HEATR5A: variants seen among roughly 807,000 people sequenced by gnomAD.
HEATR5A encodes the protein HEAT repeat containing 5A.
HEATR5A carries 178 observed loss-of-function variants against 218.8 expected under a neutral mutation model. That is an observed-to-expected ratio of 0.81 (90% CI 0.72 to 0.92). HEATR5A has a LOEUF of 0.92. Ranked by LOEUF, HEATR5A falls within the 40% of genes least tolerant of loss-of-function variation. HEATR5A has a pLI of 0.00. For missense variants in HEATR5A, 2,420 were observed against 2,418.9 expected (o/e 1.00, Z -0.01); for synonymous variants, 864 against 871.6 (o/e 0.99, Z 0.15).
At chr14:31,363,538 T>C (rs1237080929) in intron 14 of HEATR5A, among the ~76,000 whole-genome samples, 1 of 152,246 alleles carries the variant, frequency 6.6e-6, no homozygotes, top group Non-Finnish European at 1.5e-5. Flanking sequence ...TTATCTGGTA[T>C]GTGTTCTTGA....
intron 14 of HEATR5A, among the ~76,000 whole-genome samples, chr14:31,361,587 C>G (rs767511975): frequency 2.0e-5 from 3 of 152,114 alleles, no homozygotes; most frequent in Non-Finnish European, 4.4e-5. Flanking sequence ...TCCCAACTGT[C>G]CCTGGAAAAA....
chr14:31,372,018 C>A, intron 12 of HEATR5A, 109 bp from the exon 13 acceptor site: 10 of 495,752 alleles, frequency 2.0e-5, no homozygotes, highest in Non-Finnish European at 2.2e-5. Context: ...AAGCAATTTG[C>A]TAAAATAAAA....
intron 13 of HEATR5A, among the ~76,000 whole-genome samples, chr14:31,369,302 T>A (rs774955733): frequency 6.7e-6 from 1 of 149,752 alleles, no homozygotes; most frequent in Admixed American, 6.7e-5. Flanking sequence ...GGTGACAGAG[T>A]GAGACCCTGT....
chr14:31,308,138 T>C (rs1364058022), intron 29 of HEATR5A, 118 bp from the exon 30 acceptor site: 7 of 901,028 alleles, frequency 7.8e-6, no homozygotes, highest in Non-Finnish European at 1.2e-5. Context: ...GTAATACAAA[T>C]AAATCACAAT....
intron 21 of HEATR5A, among the ~76,000 whole-genome samples, chr14:31,339,668 T>C (rs938693256): frequency 2.0e-5 from 3 of 152,160 alleles, no homozygotes; most frequent in African/African-American, 2.4e-5. Flanking sequence ...TGTTCTGTTA[T>C]ACCTTCAAGC....
chr14:31,406,416 T>C (rs1595182984), intron 1 of HEATR5A, among the ~76,000 whole-genome samples: 2 of 152,228 alleles, frequency 1.3e-5, no homozygotes. Context: ...TTACTTATTA[T>C]AGTCTAAGCA....
At chr14:31,317,422 T>C (rs1322078932) in intron 26 of HEATR5A, among the ~76,000 whole-genome samples, 1 of 143,068 alleles carries the variant, frequency 7.0e-6, no homozygotes, top group East Asian at 2.2e-4. Flanking sequence ...TCCTCCCACC[T>C]CAGCCTCCTG....
intron 28 of HEATR5A, 109 bp from the exon 29 acceptor site, chr14:31,309,291 C>T (rs1204807308): frequency 3.2e-6 from 4 of 1,249,560 alleles, no homozygotes; most frequent in Non-Finnish European, 4.4e-6. Flanking sequence ...TTCCCTTGTA[C>T]CCTTTTTCAG....
chr14:31,361,965 T>TATTA (rs1901632002), intron 14 of HEATR5A, among the ~76,000 whole-genome samples: 3 of 151,720 alleles, frequency 2.0e-5, no homozygotes, highest in Admixed American at 1.3e-4. Flanking sequence ...TTTATTTATT[T>TATTA]ATTTATTTAT....
intron 14 of HEATR5A, among the ~76,000 whole-genome samples, chr14:31,359,729 CAAAAAAAAAAAAA>C (rs376157768): frequency 6.2e-5 from 2 of 32,198 alleles, no homozygotes; most frequent in Non-Finnish European, 1.5e-4. Flanking sequence ...CATCTCAAGA[CAAAAAAAAAAAAA>C]AAAAAAAAAA....
At chr14:31,374,301 CAAAAAAAA>C (rs34427206) in intron 12 of HEATR5A, among the ~76,000 whole-genome samples, 1 of 92,128 alleles carries the variant, frequency 1.1e-5, no homozygotes, top group Non-Finnish European at 2.3e-5. Flanking sequence ...GACCCTATCT[CAAAAAAAA>C]AAAAAAAAAA....
chr14:31,388,861 C>A lies in HEATR5A; in HGVS notation c.917G>T (p.Arg306Leu), dbSNP rs77777679. The A allele has an allele frequency of 1.2e-6, 2 of 1,613,698 alleles. No homozygotes were observed. Among genetic ancestry groups the A allele is most frequent in the Non-Finnish European group, 1.7e-6 (2 of 1,179,728 alleles). Residue 306 changes from arginine (R) to leucine (L), a missense_variant, in exon 7 of 36, where the codon CGA becomes CTA. Transcript: ENST00000543095. ...GATTCCAACCTGAGTAACTCCAACT[C>A]GAACATCCCTACTGACTGAACTGGT... Reference protein sequence around the residue: ...KGTSSVSRDVRVGVTQAYVVF... With the variant: ...KGTSSVSRDVLVGVTQAYVVF...
chr14:31,327,871 T>C (rs1900321898), intron 22 of HEATR5A, among the ~76,000 whole-genome samples: 1 of 152,202 alleles, frequency 6.6e-6, no homozygotes, highest in Admixed American at 6.5e-5. Flanking sequence ...AAAGGACAAA[T>C]ACATTTTCTC....
Position 31,293,391 on chromosome 14 carries a change from T to G in HEATR5A, c.6055A>C (p.Ser2019Arg). The G allele has an allele frequency of 6.2e-7, 1 of 1,613,976 alleles. No homozygotes were observed. Among genetic ancestry groups the G allele is most frequent in the African/African-American group, 1.3e-5 (1 of 75,068 alleles). ...GATGTTGGTATCTTGACTTTGACAC[T>G]TTCCTGATTGCCCTTTATAGCAGCC... is the stretch of plus-strand genomic sequence containing the variant. ...LEAAIKGNQE[S>R]VKVKIPTSKY... Residue 2019 changes from serine (S) to arginine (R), a missense_variant, in exon 36 of 36, where the codon AGT (serine) becomes CGT (arginine). Ser to Arg is a moderately radical substitution (Grantham distance 110). Coordinates refer to ENST00000543095, the MANE Select transcript of HEATR5A (RefSeq NM_015473.4).
intron 3 of HEATR5A, 35 bp from the exon 4 acceptor site, chr14:31,398,816 C>G: frequency 8.3e-7 from 1 of 1,200,420 alleles, no homozygotes; most frequent in Non-Finnish European, 1.2e-6. Flanking sequence ...TTAGTCACAG[C>G]TGAAAAAATA....
intron 1 of HEATR5A, among the ~76,000 whole-genome samples, chr14:31,403,496 A>G (rs1310420105): frequency 6.6e-6 from 1 of 152,206 alleles, no homozygotes; most frequent in African/African-American, 2.4e-5. Flanking sequence ...AGCTAGGTAC[A>G]TGCCCTGTCA....
chr14:31,378,251 T>C (rs1040558727), intron 11 of HEATR5A, among the ~76,000 whole-genome samples: 1 of 151,994 alleles, frequency 6.6e-6, no homozygotes, highest in African/African-American at 2.4e-5. Context: ...TCTGCCACTG[T>C]ACACCTAAAG....
intron 20 of HEATR5A, among the ~76,000 whole-genome samples, 200 bp from the exon 21 acceptor site, chr14:31,344,265 A>ATTCTTTTTT (rs1900941839): frequency 1.8e-5 from 1 of 54,924 alleles, no homozygotes; most frequent in Non-Finnish European, 4.6e-5. Context: ...TAGATTAGTT[A>ATTCTTTTTT]TTCTTTTTTT....
At chr14:31,329,220 C>T (rs1900379156) in intron 22 of HEATR5A, among the ~76,000 whole-genome samples, 1 of 152,186 alleles carries the variant, frequency 6.6e-6, no homozygotes, top group Non-Finnish European at 1.5e-5. Flanking sequence ...CCCCTGGCCC[C>T]TCCCAAGTCT....
Sources: gnomAD v4.1 joint callset for allele counts (sites outside exome capture counted in the v4.1 genomes callset) on GRCh38, gnomAD v4.1.1 for gene constraint, MANE v1.5 for transcripts, NCBI Gene and HGNC (gene_info 2026-07-23, HGNC 2026-07-21) for gene names.